The following ASPM variants were observed in gnomAD, a reference collection of about 807,000 sequenced individuals.
ASPM encodes assembly factor for spindle microtubules, also known as abnormal spindle-like microcephaly-associated protein.
A neutral mutation model predicts 366.4 loss-of-function variants in ASPM; 256 were observed. The ratio of observed to expected loss-of-function variants is 0.70; its 90% CI spans 0.63 to 0.77. The LOEUF is 0.77. Ranked by LOEUF, ASPM falls within the 30% of genes least tolerant of loss-of-function variation. ASPM has a pLI of 0.00. For synonymous variants in ASPM, 1,414 were observed against 1,342.9 expected, an observed-to-expected ratio of 1.05 and a Z score of -1.16; for missense variants, 4,146 against 4,090.4, an observed-to-expected ratio of 1.01 and a Z score of -0.37.
chr1:197,111,950 T>C (rs1657599477), intron 17 of ASPM, among the ~76,000 whole-genome samples: 3 of 152,170 alleles, frequency 2.0e-5, no homozygotes, highest in Admixed American at 1.3e-4. Flanking sequence ...GAAGACAGTG[T>C]GGTGATTTCT....
At chr1:197,090,470 C>T in intron 23 of ASPM, 82 bp from the exon 24 acceptor site, 2 of 1,104,122 alleles carry the variant, frequency 1.8e-6, no homozygotes, top group Non-Finnish European at 2.6e-6. Flanking sequence ...ACAATGTAAA[C>T]ATTTTCAGTA....
chr1:197,124,335 A>C lies in ASPM; in HGVS notation c.3169-4T>G. ...CTAAGTTAAGGGAAATATCCACCTA[A>C]AACAAACACAAAAAAAGATAAATAC... On this transcript the variant is annotated splice_polypyrimidine_tract_variant and splice_region_variant and intron_variant, in intron 12 of 27. Coordinates refer to ENST00000367409, the MANE Select transcript of ASPM (RefSeq NM_018136.5). The C allele has an allele frequency of 6.5e-7, 1 of 1,531,842 alleles. No individual in the cohort carries two copies. The highest frequency in any genetic ancestry group is 9.0e-7 in the Non-Finnish European group (1 of 1,110,064). The allele number at this position is 1,531,842 out of a possible 1,614,324, so 94.9% of individuals were successfully genotyped here. A position where few individuals can be genotyped will look rare whatever the true frequency, so the allele number is the denominator to read the frequency against.
At position 197,093,157 on chromosome 1, in the gene ASPM, T is replaced by C. The variant is rs765867212; in HGVS notation, c.9189A>G (p.Ile3063Met). 13 of 1,612,404 alleles carry C rather than the reference T, an allele frequency of 8.1e-6. No homozygotes were observed. Among genetic ancestry groups the C allele is most frequent in the South Asian group, 1.1e-5 (1 of 91,050 alleles). Residue 3063 changes from isoleucine (I) to methionine (M), a missense_variant, in exon 21 of 28, where the codon ATA becomes ATG. Physicochemically the swap from Ile to Met is conservative, Grantham distance 10. Transcript: ENST00000367409. ...KSAALIIQKY[I>M]RAREAGKHER... ...CATGCTTTCCAGCCTCCCTGGCTCG[T>C]ATATATTTTTGTATGATCAAAGCAG...
At chr1:197,088,854 CCTT>C (rs1656683457) in intron 25 of ASPM, among the ~76,000 whole-genome samples, 1 of 151,892 alleles carries the variant, frequency 6.6e-6, no homozygotes, top group Admixed American at 6.6e-5. Flanking sequence ...ATTACATGCT[CCTT>C]GAGAGGAAGA....
intron 9 of ASPM, among the ~76,000 whole-genome samples, 157 bp from the exon 10 acceptor site, chr1:197,128,822 C>G (rs1454311235): frequency 1.3e-5 from 2 of 152,042 alleles, no homozygotes; most frequent in African/African-American, 4.8e-5. Flanking sequence ...ATATTTCCAA[C>G]TTAAGATCTT....
chr1:197,101,092 T>C lies in ASPM; in HGVS notation c.8159A>G (p.Asn2720Ser), dbSNP rs766855470. ...TKKTAIVVIQ[N>S]YYRLYVRVKT... ...TACTCTAACATACAACCTATAATAA[T>C]TCTGTATAACCACAATTGCAGTTTT... Residue 2720 changes from asparagine to serine, a missense_variant, in exon 18 of 28, where the codon AAT becomes AGT. Around this residue, in one of 3 missense-constraint regions of ASPM, gnomAD observed 3,624 missense variants for 3,591.7 expected, o/e 1.01. Coordinates refer to ENST00000367409, the MANE Select transcript of ASPM (RefSeq NM_018136.5). 1.2e-6 allele frequency: 2 copies of C among 1,611,888 alleles called. No homozygotes were observed. The highest frequency in any genetic ancestry group is 3.3e-5 in the Admixed American group (2 of 59,706).
rs746637810 is a variant in ASPM at position 197,139,887 on chromosome 1, A to C, written c.1922-16T>G. 21 of 1,513,840 alleles carry C rather than the reference A, an allele frequency of 1.4e-5. No individual in the cohort carries two copies. Among genetic ancestry groups the C allele is most frequent in the Admixed American group, 8.4e-5 (5 of 59,818 alleles). The allele number at this position is 1,513,840 out of a possible 1,614,324, so 93.8% of individuals were successfully genotyped here. ...ATTGATAAATCTAAAATAAATTAGAAAACAAAACTAAGAGCATTAAAATAC... is the reference window on the plus strand; with the variant it reads ...ATTGATAAATCTAAAATAAATTAGACAACAAAACTAAGAGCATTAAAATAC... On this transcript the variant is annotated splice_polypyrimidine_tract_variant and intron_variant, in intron 3 of 27. Coordinates refer to ENST00000367409, the MANE Select transcript of ASPM (RefSeq NM_018136.5).
intron 27 of ASPM, 87 bp downstream of exon 27, chr1:197,086,716 C>T (rs1361859480): frequency 8.5e-7 from 1 of 1,170,734 alleles, no homozygotes; most frequent in East Asian, 2.4e-5. Flanking sequence ...AAAAGCACAT[C>T]TTGTTTATGG....
rs1351095128 is a variant in ASPM at position 197,102,148 on chromosome 1, T to A, written c.7103A>T (p.Tyr2368Phe). The A allele has an allele frequency of 6.2e-7, 1 of 1,612,936 alleles. No individual in the cohort carries two copies. Among genetic ancestry groups the A allele is most frequent in the Admixed American group, 1.7e-5 (1 of 59,852 alleles). The change falls in exon 18 of 28, where the codon TAC becomes TTC. Residue 2368 changes from tyrosine to phenylalanine, a missense_variant. Physicochemically the swap from Tyr to Phe is conservative, Grantham distance 22. This residue lies in a region of ASPM where 3,624 missense variants were observed against 3,591.7 expected (regional missense o/e 1.01). Coordinates refer to ENST00000367409, the MANE Select transcript of ASPM (RefSeq NM_018136.5). ...CAGTTTTGCAGCTCTATTTGCTTGG[T>A]ATTGCTGTTGGATCACAACGGAGGC... ...KQASVVIQQQ[Y>F]QANRAAKLQR...
At chr1:197,131,743 T>A (rs1335560431) in intron 7 of ASPM, among the ~76,000 whole-genome samples, 1 of 151,862 alleles carries the variant, frequency 6.6e-6, no homozygotes, top group Non-Finnish European at 1.5e-5. Context: ...GTATTTTTAG[T>A]AGAGATAGGG....
chr1:197,137,814 C>T (rs1372729241), intron 4 of ASPM, among the ~76,000 whole-genome samples: 1 of 152,144 alleles, frequency 6.6e-6, no homozygotes, highest in Non-Finnish European at 1.5e-5. Flanking sequence ...TTAGCGTATA[C>T]CCCAAATCTG....
chr1:197,084,422 T>G lies in ASPM; in HGVS notation c.10336A>C (p.Lys3446Gln). Residue 3446 changes from lysine (K) to glutamine (Q), a missense_variant, in exon 28 of 28, where the codon AAG becomes CAG. By Grantham distance (53) the Lys-to-Gln change is moderately conservative. Coordinates refer to ENST00000367409, the MANE Select transcript of ASPM (RefSeq NM_018136.5). The part of the protein sequence containing the change: ...PVRTRIVSRL[K>Q]PDWVLRRDNM... ...TCTCTTCTCAAAACCCAATCTGGCT[T>G]AAGTCTGTTAAAAAAAAAAAAAAAG... 1 of 1,588,530 alleles carries G rather than the reference T, an allele frequency of 6.3e-7. No homozygotes were observed. The highest frequency in any genetic ancestry group is 8.6e-7 in the Non-Finnish European group (1 of 1,163,560).
In ASPM at chr1:197,142,591, T is replaced by C. The variant is rs767824917; in HGVS notation, c.1661A>G (p.Lys554Arg). 10 of 1,613,388 alleles carry C rather than the reference T, an allele frequency of 6.2e-6. No individual in the cohort carries two copies. Among genetic ancestry groups the C allele is most frequent in the South Asian group, 1.1e-5 (1 of 91,046 alleles). Residue 554 changes from lysine to arginine, a missense_variant, in exon 3 of 28, where the codon AAA (lysine) becomes AGA (arginine). Physicochemically the swap from Lys to Arg is conservative, Grantham distance 26. Coordinates refer to ENST00000367409, the MANE Select transcript of ASPM (RefSeq NM_018136.5). ...TACCTCGTTTTTATAACTCTTAGAT[T>C]TACTTAATATTGGATCTATAATTGG... ...YLPIIDPILS[K>R]SKSYKNEVTP...
intron 5 of ASPM, among the ~76,000 whole-genome samples, chr1:197,134,403 C>A (rs1658356847): frequency 7.3e-6 from 1 of 136,130 alleles, no homozygotes; most frequent in African/African-American, 2.7e-5. Context: ...GGGAGTGAGA[C>A]CTTGTCTCCA....
chr1:197,086,242 A>G (rs1656584725), intron 27 of ASPM, among the ~76,000 whole-genome samples: 2 of 151,962 alleles, frequency 1.3e-5, no homozygotes, highest in Admixed American at 1.3e-4. Flanking sequence ...GAAAGAAGGA[A>G]GGAAGGGAGG....
In ASPM at chr1:197,100,545, T is replaced by C. The variant is rs1473819402; in HGVS notation, c.8706A>G (p.Gln2902=). 4.3e-6 allele frequency: 7 copies of C among 1,611,526 alleles called. No homozygotes were observed. The highest frequency in any genetic ancestry group is 1.3e-5 in the African/African-American group (1 of 74,754). ...TTCTGATCTGTAAATAGACTTGTCT[T>C]TGATGTTTTGCAGACAGAAATGCTC... is the stretch of plus-strand genomic sequence containing the variant. ...HYRAFLSAKH[Q]RQVYLQIRSS... The change falls in exon 18 of 28, where the codon CAA becomes CAG. Residue 2902 remains glutamine (Q), a synonymous_variant. Transcript: ENST00000367409.
intron 4 of ASPM, among the ~76,000 whole-genome samples, chr1:197,136,999 C>G (rs1271254910): frequency 6.6e-6 from 1 of 151,960 alleles, no homozygotes; most frequent in Admixed American, 6.5e-5. Context: ...TAAAAAAACC[C>G]TATGGATCAT....
chr1:197,091,830 G>C, intron 22 of ASPM, 77 bp downstream of exon 22: 8 of 1,465,762 alleles, frequency 5.5e-6, no homozygotes, highest in Non-Finnish European at 7.6e-6. Context: ...AAAGCATTTG[G>C]AAATTGTTTA....
rs1657233879 is a variant in ASPM at position 197,102,604 on chromosome 1, G to A, written c.6647C>T (p.Thr2216Ile). 2 of 1,612,178 alleles carry A rather than the reference G, an allele frequency of 1.2e-6. No individual in the cohort carries two copies. The highest frequency in any genetic ancestry group is 1.3e-5 in the African/African-American group (1 of 74,832). ...QTYFNKLKKITKTVQQRYWAM... is the reference protein window; with the variant it reads ...QTYFNKLKKIIKTVQQRYWAM... ...CCAGTATCTTTGCTGTACTGTTTTT[G>A]TTATTTTCTTTAACTTATTAAAGTA... The change falls in exon 18 of 28, where the codon ACA (threonine) becomes ATA (isoleucine). Residue 2216 changes from threonine to isoleucine, a missense_variant. Around this residue, in one of 3 missense-constraint regions of ASPM, gnomAD observed 3,624 missense variants for 3,591.7 expected, o/e 1.01. Transcript: ENST00000367409.
Sources: allele counts gnomAD v4.1 joint callset (sites outside exome capture counted in the v4.1 genomes callset), GRCh38; gene constraint gnomAD v4.1.1; regional missense constraint gnomAD v4.1.1; transcripts MANE v1.5; gene names NCBI Gene and HGNC (gene_info 2026-07-23, HGNC 2026-07-21).